The following PHACTR1 variants were observed in gnomAD, a reference collection of about 807,000 sequenced individuals.
The protein encoded by PHACTR1 is phosphatase and actin regulator 1, also known as RPEL repeat containing 1.
Under a neutral mutation model 69.2 loss-of-function variants are expected in PHACTR1, and 16 were observed. That is an observed-to-expected ratio of 0.23 (90% CI 0.16 to 0.35). The LOEUF (loss-of-function observed/expected upper bound fraction) is 0.35. Ranked by LOEUF, PHACTR1 falls within the 10% of genes least tolerant of loss-of-function variation. The pLI, the probability that PHACTR1 is intolerant of heterozygous loss-of-function variation, is 1.00. For missense variants in PHACTR1, 510 were observed against 734.7 expected, an observed-to-expected ratio of 0.69 and a Z score of 3.54; for synonymous variants, 312 against 284.5, an observed-to-expected ratio of 1.10 and a Z score of -0.97.
intron 7 of PHACTR1, among the ~76,000 whole-genome samples, chr6:13,203,310 G>A (rs1033501397): frequency 1.3e-5 from 2 of 152,176 alleles, no homozygotes; most frequent in African/African-American, 2.4e-5. Flanking sequence ...ACTCTTCTCC[G>A]GGAGAGGAGA....
chr6:13,094,075 G>A (rs1813732687), intron 5 of PHACTR1, among the ~76,000 whole-genome samples: 1 of 152,036 alleles, frequency 6.6e-6, no homozygotes, highest in South Asian at 2.1e-4. Flanking sequence ...GTCTCAGTAT[G>A]TTGCCCAGGC....
At chr6:13,190,343 C>T (rs1763401294) in intron 7 of PHACTR1, among the ~76,000 whole-genome samples, 1 of 151,860 alleles carries the variant, frequency 6.6e-6, no homozygotes, top group Admixed American at 6.6e-5. Context: ...CTTGATGTCT[C>T]TTCTTATAAG....
chr6:12,904,538 A>C (rs1785527110), intron 4 of PHACTR1, among the ~76,000 whole-genome samples: 1 of 151,892 alleles, frequency 6.6e-6, no homozygotes, highest in Non-Finnish European at 1.5e-5. Context: ...CCATCTCAAA[A>C]AAAAAAAAAA....
At chr6:13,115,407 T>A (rs886085740) in intron 5 of PHACTR1, among the ~76,000 whole-genome samples, 2 of 152,154 alleles carry the variant, frequency 1.3e-5, no homozygotes, top group Admixed American at 6.6e-5. Context: ...TCTCTCTCTC[T>A]CACCACTTAT....
chr6:12,826,555 G>A (rs1182036400), intron 4 of PHACTR1, among the ~76,000 whole-genome samples: 1 of 152,170 alleles, frequency 6.6e-6, no homozygotes, highest in East Asian at 1.9e-4. Context: ...CTCTCAGGAA[G>A]AAAGCATACA....
chr6:12,879,537 T>C lies in PHACTR1; in HGVS notation c.250+129747T>C, dbSNP rs1235753630. Among the ~76,000 whole-genome samples, 8 of 152,200 alleles carry C rather than the reference T, an allele frequency of 5.3e-5. No homozygotes were observed. In the South Asian group the frequency reaches 8.3e-4, roughly 16 times the overall value. ...CTTCTTATTCTTTTTTTCTCTGGCTTTCTTAGACCTGATTTGTGACCTTTT... is the reference window on the plus strand; with the variant it reads ...CTTCTTATTCTTTTTTTCTCTGGCTCTCTTAGACCTGATTTGTGACCTTTT... On this transcript the variant is annotated intron_variant, in intron 4 of 14. Coordinates refer to ENST00000332995, the MANE Select transcript of PHACTR1 (RefSeq NM_030948.6).
chr6:13,278,419 G>T (rs1779408064), intron 12 of PHACTR1, 90 bp downstream of exon 12: 3 of 1,129,698 alleles, frequency 2.7e-6, no homozygotes, highest in Non-Finnish European at 2.6e-6. Context: ...TGGCCTCACC[G>T]CTGCCTGGTT....
At chr6:13,238,600 T>C (rs763105134) in intron 10 of PHACTR1, among the ~76,000 whole-genome samples, 4 of 152,222 alleles carry the variant, frequency 2.6e-5, no homozygotes, top group Non-Finnish European at 5.9e-5. Flanking sequence ...AATCCATTTT[T>C]TATGCTTGTA....
At position 13,228,104 on chromosome 6, in the gene PHACTR1, G is replaced by A. The variant is rs769687074; in HGVS notation, c.1234+41G>A. The A allele has an allele frequency of 1.9e-6, 3 of 1,581,138 alleles. No individual in the cohort carries two copies. In the East Asian group the frequency reaches 6.7e-5, roughly 36 times the overall value. ...CTCATCACCAGGGGTGGGGAAGCAT[G>A]CTATTGTGGAAAGACAGCAGAGAGT... On this transcript the variant is annotated intron_variant, in intron 9 of 14. Coordinates refer to ENST00000332995, the MANE Select transcript of PHACTR1 (RefSeq NM_030948.6).
chr6:12,780,622 A>G (rs550761416), intron 4 of PHACTR1, among the ~76,000 whole-genome samples: 1 of 152,346 alleles, frequency 6.6e-6, no homozygotes, highest in African/African-American at 2.4e-5. Context: ...ATTTGCATGC[A>G]TAATGACCAA....
intron 4 of PHACTR1, among the ~76,000 whole-genome samples, chr6:12,959,202 A>AAG (rs1562056468): frequency 1.0e-4 from 7 of 69,118 alleles, no homozygotes; most frequent in African/African-American, 7.4e-4. Context: ...AAAAGAAAAG[A>AAG]AAAAAAAAAG....
chr6:12,827,535 A>C (rs1211342093), intron 4 of PHACTR1, among the ~76,000 whole-genome samples: 1 of 152,208 alleles, frequency 6.6e-6, no homozygotes, highest in African/African-American at 2.4e-5. Context: ...TCTGGAAGAT[A>C]ATTTGAAATG....
At position 12,832,274 on chromosome 6, in the gene PHACTR1, G is replaced by T. The variant is rs75333085; in HGVS notation, c.250+82484G>T. Reference sequence around the variant, plus strand: ...GCACTTATTATAGGGAGAACACTTGGAAAGAACATCTTATGTTAGCTAAGA... The same window carrying T: ...GCACTTATTATAGGGAGAACACTTGTAAAGAACATCTTATGTTAGCTAAGA... On this transcript the variant is annotated intron_variant, in intron 4 of 14. Coordinates refer to ENST00000332995, the MANE Select transcript of PHACTR1 (RefSeq NM_030948.6). Among the ~76,000 whole-genome samples, 818 of 152,170 alleles carry T rather than the reference G, an allele frequency of 5.4e-3. 7 individuals carry two copies. Among genetic ancestry groups the T allele is most frequent in the African/African-American group, 0.019 (770 of 41,518 alleles).
intron 4 of PHACTR1, among the ~76,000 whole-genome samples, chr6:12,985,875 G>A (rs1482285682): frequency 4.8e-5 from 7 of 145,970 alleles, no homozygotes; most frequent in Non-Finnish European, 1.5e-5. Context: ...TACTCTTGTT[G>A]CCCAGGCTGG....
At chr6:12,824,609 G>C (rs1445600707) in intron 4 of PHACTR1, among the ~76,000 whole-genome samples, 2 of 152,216 alleles carry the variant, frequency 1.3e-5, no homozygotes, top group Admixed American at 1.3e-4. Context: ...AGAAAGTTTA[G>C]AGGGGGTAGT....
chr6:12,773,523 G>C (rs58909892), intron 4 of PHACTR1, among the ~76,000 whole-genome samples: 2,763 of 152,148 alleles, frequency 0.018, 82 homozygotes, highest in African/African-American at 0.062. Context: ...CTGTTACTTA[G>C]TTTTAAGTCA....
chr6:12,749,886 C>A, intron 4 of PHACTR1, 96 bp downstream of exon 4: 2 of 1,215,962 alleles, frequency 1.6e-6, no homozygotes, highest in Non-Finnish European at 2.2e-6. Context: ...CTCCCCGCCG[C>A]CCCCCGCAGT....
intron 4 of PHACTR1, among the ~76,000 whole-genome samples, chr6:13,050,785 A>C (rs1282251852): frequency 6.6e-6 from 1 of 152,126 alleles, no homozygotes; most frequent in Non-Finnish European, 1.5e-5. Context: ...TTTATCATCA[A>C]ATTCTTTAAA....
chr6:12,878,096 A>G (rs1418977372), intron 4 of PHACTR1, among the ~76,000 whole-genome samples: 1 of 152,228 alleles, frequency 6.6e-6, no homozygotes, highest in Admixed American at 6.5e-5. Context: ...TTTCCACCTC[A>G]GATTCCAGCG....
Sources: gnomAD v4.1 joint callset for allele counts (sites outside exome capture counted in the v4.1 genomes callset) on GRCh38, gnomAD v4.1.1 for gene constraint, MANE v1.5 for transcripts, NCBI Gene and HGNC (gene_info 2026-07-23, HGNC 2026-07-21) for gene names.